Variants in XRN1 observed in about 807,000 individuals in gnomAD.
XRN1 encodes the protein strand-exchange protein 1 homolog.
A neutral mutation model predicts 222.3 loss-of-function variants in XRN1; 67 were observed. That is an observed-to-expected ratio of 0.30 (90% CI 0.25 to 0.37). The LOEUF (loss-of-function observed/expected upper bound fraction) is 0.37. Ranked by LOEUF, XRN1 falls within the 10% of genes least tolerant of loss-of-function variation. The probability of loss-of-function intolerance (pLI) is 1.00; values close to 1 mark genes in which losing one functional copy is unlikely to be tolerated. For missense variants in XRN1, 1,707 were observed against 2,000.2 expected, an observed-to-expected ratio of 0.85 and a Z score of 2.80; for synonymous variants, 643 against 652.4, an observed-to-expected ratio of 0.99 and a Z score of 0.22.
At chr3:142,411,822 A>AATT (rs2068591574) in intron 15 of XRN1, among the ~76,000 whole-genome samples, 1 of 138,562 alleles carries the variant, frequency 7.2e-6, no homozygotes, top group Non-Finnish European at 1.6e-5. Context: ...CTTACTGAAA[A>AATT]TTTTTTTTTT....
chr3:142,409,744 A>T (rs1271732643), intron 15 of XRN1, among the ~76,000 whole-genome samples: 1 of 152,194 alleles, frequency 6.6e-6, no homozygotes, highest in Non-Finnish European at 1.5e-5. Flanking sequence ...ATTGAGGAGG[A>T]CGTACACCTT....
Position 142,307,364 on chromosome 3 carries a change from G to A in XRN1, c.*4147C>T, listed in dbSNP as rs987944510. ...ACCAAGTGCAGTTGGTGTACGGCTGGAGGGAAAAAAAAAAAGACTTTTTAC... is the reference window on the plus strand; with the variant it reads ...ACCAAGTGCAGTTGGTGTACGGCTGAAGGGAAAAAAAAAAAGACTTTTTAC... On this transcript the variant is annotated 3_prime_UTR_variant, in exon 41 of 41. Transcript: ENST00000392981. 3.3e-5 allele frequency: 5 copies of A among 150,696 alleles called. No individual in the cohort carries two copies. The highest frequency in any genetic ancestry group is 1.2e-4 in the African/African-American group (5 of 41,042). The allele number at this position is 150,696 out of a possible 1,614,324, so 9.3% of individuals were successfully genotyped here. A position where few individuals can be genotyped will look rare whatever the true frequency, so the allele number is the denominator to read the frequency against.
In XRN1 at chr3:142,425,512, C is replaced by A; in HGVS notation, c.433G>T (p.Glu145Ter). 6.2e-7 allele frequency: 1 copy of A among 1,612,912 alleles called. No homozygotes were observed. The highest frequency in any genetic ancestry group is 8.5e-7 in the Non-Finnish European group (1 of 1,179,388). The stretch of plus-strand genomic sequence containing the variant: ...ATATTTACAAAATACTTCAGATGTT[C>A]ATGTAACCTGGCCATAAATTCAGTT... ...PGTEFMARLH[E>*]HLKYFVNMKI... The change falls in exon 4 of 41, where the codon GAA (glutamate) becomes TAA (stop). Residue 145 changes from glutamate to a stop codon, truncating the protein, a stop_gained. Coordinates refer to ENST00000392981, the MANE Select transcript of XRN1 (RefSeq NM_001282857.2). LOFTEE classifies it high-confidence loss of function.
chr3:142,391,546 C>G (rs1232449086), intron 20 of XRN1, among the ~76,000 whole-genome samples: 1 of 151,844 alleles, frequency 6.6e-6, no homozygotes, highest in South Asian at 2.1e-4. Context: ...CTGAGCAACA[C>G]AGTGATACCC....
In XRN1 at chr3:142,400,311, C is replaced by T. The variant is rs899105493; in HGVS notation, c.2207+133G>A. 31 of 637,122 alleles carry T rather than the reference C, an allele frequency of 4.9e-5. No homozygotes were observed. The East Asian group carries it at 8.2e-4, about 17-fold the overall frequency. 39.5% of individuals were successfully genotyped at this position (637,122 alleles called of 1,614,324 possible). A position where few individuals can be genotyped will look rare whatever the true frequency, so the allele number is the denominator to read the frequency against. Reference sequence around the variant, plus strand: ...TTGAACTTCAAGTGGTGTCATTAGACGACTTTCATTTTTGGTACAGAGTGT... The same window carrying T: ...TTGAACTTCAAGTGGTGTCATTAGATGACTTTCATTTTTGGTACAGAGTGT... On this transcript the variant is annotated intron_variant, in intron 19 of 40. Coordinates refer to ENST00000392981, the MANE Select transcript of XRN1 (RefSeq NM_001282857.2).
intron 8 of XRN1, 106 bp from the exon 9 acceptor site, chr3:142,421,649 T>A: frequency 1.3e-6 from 1 of 753,624 alleles, no homozygotes; most frequent in Non-Finnish European, 2.0e-6. Flanking sequence ...TCTACAGTAC[T>A]AATCAAGAAA....
rs747616409 is a variant in XRN1, at chr3:142,405,107, A to T, written c.1714-31T>A. 3 of 1,597,770 alleles carry T rather than the reference A, an allele frequency of 1.9e-6. No homozygotes were observed. The Admixed American group carries it at 5.2e-5, about 27-fold the overall frequency. ...TATAAGGATTGAAGAGAAGGGTTACAAGCATAAAAATTCCATAATCTCAAC... is the reference window on the plus strand; with the variant it reads ...TATAAGGATTGAAGAGAAGGGTTACTAGCATAAAAATTCCATAATCTCAAC... On this transcript the variant is annotated intron_variant, in intron 15 of 40. Coordinates refer to ENST00000392981, the MANE Select transcript of XRN1 (RefSeq NM_001282857.2).
chr3:142,418,231 T>G, intron 12 of XRN1: 1 of 318,080 alleles, frequency 3.1e-6, no homozygotes, highest in Non-Finnish European at 5.6e-6. Context: ...ACATTTAGAT[T>G]ATTTCTAATT....
Position 142,318,623 on chromosome 3 carries a change from T to A in XRN1, c.4590A>T (p.Gly1530=), listed in dbSNP as rs749457237. Residue 1530 remains glycine (G), a synonymous_variant, in exon 39 of 41, where the codon GGA becomes GGT. Transcript: ENST00000392981. ...FANYPSAVPP[G]TIPPAFPPPT... ...GTGGGGGAAAGGCTGGAGGAATGGT[T>A]CCAGGTGGTACAGCTGAAGGATAAT... The A allele has an allele frequency of 2.5e-6, 4 of 1,608,822 alleles. No homozygotes were observed. The South Asian group carries it at 4.5e-5, about 18-fold the overall frequency.
Position 142,347,277 on chromosome 3 carries a change from G to A in XRN1, c.3834C>T (p.Asn1278=), listed in dbSNP as rs2066171833. Residue 1278 remains asparagine (N), a synonymous_variant, in exon 33 of 41, where the codon AAC becomes AAT. Coordinates refer to ENST00000392981, the MANE Select transcript of XRN1 (RefSeq NM_001282857.2). The part of the protein sequence containing the change: ...NQHHKSGFND[N]SVKYQQRKHD... ...GTTTTCTTTGCTGATATTTAACACT[G>A]TTGTCATTAAAGCCAGATTTATGAT... 2 of 1,608,312 alleles carry A rather than the reference G, an allele frequency of 1.2e-6. No homozygotes were observed. The highest frequency in any genetic ancestry group is 1.7e-6 in the Non-Finnish European group (2 of 1,177,388).
In XRN1 at chr3:142,329,661, T is replaced by C. The variant is rs749823330; in HGVS notation, c.4223-46A>G. The C allele has an allele frequency of 5.4e-6, 8 of 1,494,874 alleles. No homozygotes were observed. The African/African-American group carries it at 7.4e-5, about 14-fold the overall frequency. The allele number at this position is 1,494,874 out of a possible 1,614,324, so 92.6% of individuals were successfully genotyped here. ...GTCTATCTTTATTAATAAAATACTA[T>C]CTCAAATTATGCACTTATTGTAGGG... On this transcript the variant is annotated intron_variant, in intron 36 of 40. Transcript: ENST00000392981.
intron 13 of XRN1, 87 bp downstream of exon 13, chr3:142,417,053 A>T: frequency 1.0e-6 from 1 of 1,002,198 alleles, no homozygotes; most frequent in South Asian, 1.7e-5. Flanking sequence ...ATAAGTAGAA[A>T]TAAAAGGAAG....
At chr3:142,323,834 C>T (rs1004633264) in intron 37 of XRN1, among the ~76,000 whole-genome samples, 3 of 151,466 alleles carry the variant, frequency 2.0e-5, no homozygotes, top group Admixed American at 6.6e-5. Flanking sequence ...ACTCTTCTAA[C>T]TAAATTTTTT....
chr3:142,433,009 T>C lies in XRN1; in HGVS notation c.76-116A>G, dbSNP rs2069696711. On this transcript the variant is annotated intron_variant, in intron 1 of 40. Transcript: ENST00000392981. ...AAAGCAGGATTTGTGTATTCTATTATACAAAAACTGAGTAAACAATCACAG... is the reference window on the plus strand; with the variant it reads ...AAAGCAGGATTTGTGTATTCTATTACACAAAAACTGAGTAAACAATCACAG... The C allele has an allele frequency of 9.3e-6, 7 of 751,764 alleles. No individual in the cohort carries two copies. The East Asian group carries it at 1.4e-4, about 15-fold the overall frequency. 46.6% of individuals were successfully genotyped at this position (751,764 alleles called of 1,614,324 possible).
chr3:142,443,298 G>T (rs2070331211), intron 1 of XRN1, among the ~76,000 whole-genome samples: 1 of 152,150 alleles, frequency 6.6e-6, no homozygotes, highest in Admixed American at 6.5e-5. Context: ...CTCCCCAACA[G>T]CACTTAGGTT....
chr3:142,417,016 GAAAAAA>G (rs11291353), intron 13 of XRN1, 118 bp downstream of exon 13: 158 of 308,704 alleles, frequency 5.1e-4, no homozygotes, highest in Non-Finnish European at 6.9e-4. Context: ...GCAACAGAGT[GAAAAAA>G]AAAAAAAAAA....
At chr3:142,416,900 C>T (rs1026306945) in intron 13 of XRN1, among the ~76,000 whole-genome samples, 2 of 151,152 alleles carry the variant, frequency 1.3e-5, no homozygotes, top group African/African-American at 2.4e-5. Flanking sequence ...GCCGTGGTGG[C>T]GCATGCCTGT....
intron 22 of XRN1, among the ~76,000 whole-genome samples, chr3:142,381,813 A>G (rs1168603480): frequency 6.6e-6 from 1 of 151,986 alleles, no homozygotes; most frequent in Non-Finnish European, 1.5e-5. Context: ...GTGATTGCCT[A>G]TCTTGGCCTC....
intron 32 of XRN1, among the ~76,000 whole-genome samples, chr3:142,352,642 C>A (rs1025836356): frequency 4.6e-5 from 7 of 152,018 alleles, no homozygotes; most frequent in African/African-American, 1.7e-4. Flanking sequence ...CTTGAACATT[C>A]CTTTTTTTAT....
Sources: gnomAD v4.1 joint callset for allele counts (sites outside exome capture counted in the v4.1 genomes callset) on GRCh38, gnomAD v4.1.1 for gene constraint, MANE v1.5 for transcripts, NCBI Gene and HGNC (gene_info 2026-07-23, HGNC 2026-07-21) for gene names.